ADAMTS17: variants seen among roughly 807,000 people sequenced by gnomAD.
ADAMTS17 encodes A disintegrin and metalloproteinase with thrombospondin motifs 17.
A neutral mutation model predicts 141.5 loss-of-function variants in ADAMTS17; 113 were observed. The ratio of observed to expected loss-of-function variants is 0.80; its 90% CI spans 0.69 to 0.93. ADAMTS17 has a LOEUF of 0.93. Ranked by LOEUF, ADAMTS17 falls within the 40% of genes least tolerant of loss-of-function variation. ADAMTS17 has a pLI of 0.00. For synonymous variants in ADAMTS17, 768 were observed against 630.6 expected (o/e 1.22, Z -3.27); for missense variants, 1,659 against 1,517.9 (o/e 1.09, Z -1.54).
At chr15:100,323,377 T>C (rs2045794601) in intron 3 of ADAMTS17, among the ~76,000 whole-genome samples, 1 of 152,188 alleles carries the variant, frequency 6.6e-6, no homozygotes, top group Admixed American at 6.5e-5. Context: ...GTCTAAATTC[T>C]TACCACTATA....
chr15:100,133,358 C>T (rs1369297457), intron 10 of ADAMTS17, 43 bp from the exon 11 acceptor site: 2 of 1,541,760 alleles, frequency 1.3e-6, no homozygotes, highest in African/African-American at 1.4e-5. Context: ...AGAACACCCA[C>T]ACTCACAGGT....
rs954686988 is a variant in ADAMTS17 at position 100,069,744 on chromosome 15, C to A, written c.2138-15690G>T. ...GCCCTACAAGAGCTCCTGAAGGAAG[C>A]ACTAAACATGGAAAGGAACAACTGG... On this transcript the variant is annotated intron_variant, in intron 15 of 21. Coordinates refer to ENST00000268070, the MANE Select transcript of ADAMTS17 (RefSeq NM_139057.4). 4.0e-5 allele frequency among the ~76,000 whole-genome samples: 6 copies of A among 150,700 alleles called. 1 individual carries two copies. Among genetic ancestry groups the A allele is most frequent in the African/African-American group, 1.5e-4 (6 of 40,922 alleles).
intron 8 of ADAMTS17, among the ~76,000 whole-genome samples, chr15:100,172,173 A>AG (rs2040185029): frequency 6.6e-6 from 1 of 152,198 alleles, no homozygotes; most frequent in African/African-American, 2.4e-5. Context: ...TTGGTTCCCA[A>AG]GTGTGGCTGC....
At chr15:100,292,398 G>GAGAGACACTCACCCTGTT (rs1567497719) in intron 3 of ADAMTS17, among the ~76,000 whole-genome samples, 1 of 150,866 alleles carries the variant, frequency 6.6e-6, no homozygotes, top group East Asian at 2.0e-4. Flanking sequence ...GTGAAATTAC[G>GAGAGACACTCACCCTGTT]AGAGACACTC....
At chr15:100,265,475 T>C (rs1477155865) in intron 4 of ADAMTS17, among the ~76,000 whole-genome samples, 3 of 152,222 alleles carry the variant, frequency 2.0e-5, no homozygotes, top group Non-Finnish European at 2.9e-5. Context: ...CAGTCCTGGC[T>C]GCGTTTGTCA....
At chr15:99,977,240 G>A (rs926951431) in intron 20 of ADAMTS17, among the ~76,000 whole-genome samples, 3 of 150,358 alleles carry the variant, frequency 2.0e-5, no homozygotes, top group African/African-American at 7.4e-5. Flanking sequence ...AGCATGAGGA[G>A]GTGCCGTGTT....
rs1401525617 is a variant in ADAMTS17 at position 99,993,153 on chromosome 15, G to A, written c.2844C>T (p.Cys948=). ...GKGVWKRTVA[C]TNSQGKCDAS... ...CGTCGCATTTCCCTTGTGAGTTGGT[G>A]CACGCCACGGTCCGTTTCCACACCC... The change falls in exon 20 of 22, where the codon TGC becomes TGT. Residue 948 remains cysteine, a synonymous_variant. Transcript: ENST00000268070. The surrounding 1 kb of genome is among the most constrained non-coding windows in gnomAD (Gnocchi z 4.3). 3.7e-6 allele frequency: 6 copies of A among 1,614,016 alleles called. No individual in the cohort carries two copies. The highest frequency in any genetic ancestry group is 3.3e-5 in the Admixed American group (2 of 60,002).
intron 10 of ADAMTS17, among the ~76,000 whole-genome samples, chr15:100,144,653 T>C (rs117192856): frequency 2.0e-5 from 3 of 152,100 alleles, no homozygotes; most frequent in Non-Finnish European, 4.4e-5. Flanking sequence ...GAATACTAAC[T>C]TCCACTAGAA....
intron 4 of ADAMTS17, among the ~76,000 whole-genome samples, chr15:100,266,744 C>T (rs2043729056): frequency 6.6e-6 from 1 of 152,190 alleles, no homozygotes; most frequent in Non-Finnish European, 1.5e-5. Flanking sequence ...TCACTCCTCT[C>T]AGAGAGGTGG....
intron 20 of ADAMTS17, among the ~76,000 whole-genome samples, chr15:99,984,426 C>T (rs1365112684): frequency 6.6e-6 from 1 of 152,220 alleles, no homozygotes; most frequent in East Asian, 1.9e-4. Context: ...TTTATGGGGA[C>T]TGAAGCACAC....
At chr15:100,258,453 T>C (rs2043401456) in intron 6 of ADAMTS17, among the ~76,000 whole-genome samples, 1 of 152,220 alleles carries the variant, frequency 6.6e-6, no homozygotes, top group Admixed American at 6.5e-5. Context: ...CTGGGAAATT[T>C]ACAGAAGAAA....
At chr15:100,034,226 C>G (rs1032237492) in intron 18 of ADAMTS17, among the ~76,000 whole-genome samples, 1 of 152,222 alleles carries the variant, frequency 6.6e-6, no homozygotes, top group African/African-American at 2.4e-5. Flanking sequence ...CAAAGTGGTT[C>G]ACAGCACACA....
At chr15:100,023,683 C>A (rs2573579) in intron 18 of ADAMTS17, among the ~76,000 whole-genome samples, 16,363 of 152,146 alleles carry the variant, frequency 0.11, 2,329 homozygotes, top group African/African-American at 0.33. Flanking sequence ...GAAAGTCAGA[C>A]TCTAGCACAG....
At chr15:100,090,113 C>T (rs1349336235) in intron 15 of ADAMTS17, among the ~76,000 whole-genome samples, 7 of 152,028 alleles carry the variant, frequency 4.6e-5, no homozygotes, top group African/African-American at 1.7e-4. Flanking sequence ...AGGATTGTGG[C>T]ACAAAATATT....
intron 15 of ADAMTS17, among the ~76,000 whole-genome samples, chr15:100,080,178 T>G (rs1414111722): frequency 6.6e-6 from 1 of 152,178 alleles, no homozygotes; most frequent in Non-Finnish European, 1.5e-5. Flanking sequence ...CGACATTACA[T>G]TCTGCTGGCC....
chr15:100,045,549 G>A (rs370213294), intron 18 of ADAMTS17, among the ~76,000 whole-genome samples: 30 of 152,276 alleles, frequency 2.0e-4, no homozygotes, highest in South Asian at 1.0e-3. Flanking sequence ...GAGTCTGGCC[G>A]GCCTGTCTTA....
chr15:100,287,575 C>A (rs970253995), intron 3 of ADAMTS17, among the ~76,000 whole-genome samples: 1 of 152,150 alleles, frequency 6.6e-6, no homozygotes, highest in Non-Finnish European at 1.5e-5. Context: ...CCCCAAGACA[C>A]ACAGTCATCA....
At chr15:100,291,996 G>A (rs116204237) in intron 3 of ADAMTS17, among the ~76,000 whole-genome samples, 2,899 of 152,320 alleles carry the variant, frequency 0.019, 81 homozygotes, top group African/African-American at 0.065. Context: ...TAGCTCTCGT[G>A]ATAAAAATTA....
At chr15:100,028,329 G>A (rs2141475384) in intron 18 of ADAMTS17, among the ~76,000 whole-genome samples, 1 of 152,226 alleles carries the variant, frequency 6.6e-6, no homozygotes, top group East Asian at 1.9e-4. Flanking sequence ...CTCTGAAACG[G>A]CATTCTTCGG....
Sources: gnomAD v4.1 joint callset for allele counts (sites outside exome capture counted in the v4.1 genomes callset) on GRCh38, gnomAD v4.1.1 for gene constraint, Gnocchi (gnomAD v3.1) non-coding constraint, MANE v1.5 for transcripts, NCBI Gene and HGNC (gene_info 2026-07-23, HGNC 2026-07-21) for gene names.